NKAIN2: variants seen among roughly 807,000 people sequenced by gnomAD.
NKAIN2 encodes sodium/potassium transporting ATPase interacting 2, also known as sodium/potassium-transporting ATPase subunit beta-1-interacting protein 2.
In NKAIN2, 14 loss-of-function variants were observed where a neutral mutation model predicts 32.6. The ratio of observed to expected loss-of-function variants is 0.43; its 90% CI spans 0.28 to 0.67. The LOEUF is 0.67. NKAIN2 is among the 30% of genes least tolerant of loss of function. The probability of loss-of-function intolerance (pLI) is 0.17; values close to 1 mark genes in which losing one functional copy is unlikely to be tolerated. For synonymous variants in NKAIN2, 80 were observed against 87.2 expected (o/e 0.92, Z 0.46); for missense variants, 198 against 258.3 (o/e 0.77, Z 1.60).
At chr6:124,715,574 C>G (rs1775715236) in intron 4 of NKAIN2, among the ~76,000 whole-genome samples, 1 of 152,176 alleles carries the variant, frequency 6.6e-6, no homozygotes, top group Non-Finnish European at 1.5e-5. Context: ...CAGTCTCACC[C>G]AAAGCAGCCA....
chr6:124,336,760 G>A (rs1043828068), intron 2 of NKAIN2, among the ~76,000 whole-genome samples: 14 of 146,554 alleles, frequency 9.6e-5, no homozygotes, highest in African/African-American at 3.6e-4. Context: ...TGCAACCTCT[G>A]CCTCCTGGGT....
chr6:124,596,383 G>A (rs1201072853), intron 3 of NKAIN2, among the ~76,000 whole-genome samples: 6 of 152,166 alleles, frequency 3.9e-5, no homozygotes, highest in Admixed American at 3.3e-4. Flanking sequence ...GGAATACTGT[G>A]TGAGAGCCCC....
intron 1 of NKAIN2, among the ~76,000 whole-genome samples, chr6:123,940,793 T>A (rs1310773331): frequency 6.6e-6 from 1 of 152,038 alleles, no homozygotes; most frequent in Non-Finnish European, 1.5e-5. Flanking sequence ...GACATTACTG[T>A]ACACTAAGAT....
intron 1 of NKAIN2, among the ~76,000 whole-genome samples, chr6:123,825,375 G>A (rs991870691): frequency 6.6e-6 from 1 of 152,078 alleles, no homozygotes; most frequent in Non-Finnish European, 1.5e-5. Flanking sequence ...GGTGTTTCTA[G>A]CTTAAGTTGT....
chr6:123,904,608 T>G (rs546101705), intron 1 of NKAIN2, among the ~76,000 whole-genome samples: 1 of 152,350 alleles, frequency 6.6e-6, no homozygotes, highest in African/African-American at 2.4e-5. Context: ...AAAAGTGTTA[T>G]ACATGGAAGG....
At chr6:124,186,974 T>A (rs75635962) in intron 1 of NKAIN2, among the ~76,000 whole-genome samples, 227 of 138,902 alleles carry the variant, frequency 1.6e-3, no homozygotes, top group African/African-American at 4.3e-3. Flanking sequence ...TGATTTTTTT[T>A]AAAAATTTTT....
chr6:124,283,530 A>G (rs1204724256), intron 2 of NKAIN2, among the ~76,000 whole-genome samples: 1 of 152,202 alleles, frequency 6.6e-6, no homozygotes, highest in Non-Finnish European at 1.5e-5. Flanking sequence ...AATCAATAGG[A>G]ATGAACATAT....
At chr6:123,955,250 G>C (rs1777518954) in intron 1 of NKAIN2, among the ~76,000 whole-genome samples, 1 of 150,406 alleles carries the variant, frequency 6.6e-6, no homozygotes, top group Admixed American at 6.6e-5. Context: ...CAAAGACTTA[G>C]TTTGGCCATG....
chr6:123,830,525 T>G (rs1246559329), intron 1 of NKAIN2, among the ~76,000 whole-genome samples: 2 of 152,208 alleles, frequency 1.3e-5, no homozygotes, highest in African/African-American at 4.8e-5. Context: ...AATTATTTTC[T>G]CTTGTTCTCA....
intron 3 of NKAIN2, among the ~76,000 whole-genome samples, chr6:124,378,701 C>A (rs1161560008): frequency 6.6e-6 from 1 of 152,056 alleles, no homozygotes; most frequent in Non-Finnish European, 1.5e-5. Context: ...TCCACCAGCA[C>A]TGGCATCTTC....
chr6:124,430,432 A>G (rs1490670037), intron 3 of NKAIN2, among the ~76,000 whole-genome samples: 1 of 152,096 alleles, frequency 6.6e-6, no homozygotes, highest in Non-Finnish European at 1.5e-5. Flanking sequence ...TCAGCTTGGG[A>G]GTTCTCACTT....
At chr6:124,743,241 G>A (rs778788984) in intron 4 of NKAIN2, among the ~76,000 whole-genome samples, 2 of 151,812 alleles carry the variant, frequency 1.3e-5, no homozygotes, top group Non-Finnish European at 2.9e-5. Context: ...TAGTTCCTAT[G>A]TCAGAAGATT....
At chr6:123,841,268 C>A (rs1319289562) in intron 1 of NKAIN2, among the ~76,000 whole-genome samples, 2 of 152,152 alleles carry the variant, frequency 1.3e-5, no homozygotes, top group African/African-American at 2.4e-5. Context: ...GTATGATTAA[C>A]TGCTAACAAG....
At chr6:124,615,437 T>C (rs1412976339) in intron 3 of NKAIN2, among the ~76,000 whole-genome samples, 1 of 152,146 alleles carries the variant, frequency 6.6e-6, no homozygotes, top group East Asian at 1.9e-4. Flanking sequence ...GTCTCTACAA[T>C]ATAAAAATGA....
chr6:123,846,104 A>G (rs940711276), intron 1 of NKAIN2, among the ~76,000 whole-genome samples: 22 of 152,232 alleles, frequency 1.4e-4, no homozygotes, highest in African/African-American at 5.3e-4. Flanking sequence ...CTAACCATGC[A>G]GGAGCTATAT....
At chr6:124,615,957 A>G (rs1260894480) in intron 3 of NKAIN2, among the ~76,000 whole-genome samples, 1 of 151,766 alleles carries the variant, frequency 6.6e-6, no homozygotes, top group Non-Finnish European at 1.5e-5. Context: ...CTCTGCTAAA[A>G]TTTTCTAAAT....
intron 3 of NKAIN2, among the ~76,000 whole-genome samples, chr6:124,638,564 C>A (rs1783858689): frequency 1.3e-5 from 2 of 152,004 alleles, no homozygotes; most frequent in African/African-American, 4.8e-5. Flanking sequence ...TCAGCAACAA[C>A]AACAACAACA....
chr6:124,252,879 G>C (rs1349735312), intron 1 of NKAIN2, among the ~76,000 whole-genome samples: 1 of 152,246 alleles, frequency 6.6e-6, no homozygotes, highest in South Asian at 2.1e-4. Flanking sequence ...AGGCTTAAAT[G>C]AGTTTACATT....
intron 3 of NKAIN2, among the ~76,000 whole-genome samples, chr6:124,535,970 C>G (rs930184337): frequency 6.6e-6 from 1 of 152,106 alleles, no homozygotes; most frequent in African/African-American, 2.4e-5. Flanking sequence ...TATGGGATGC[C>G]GATGAGCAAT....
Sources: gnomAD v4.1 joint callset for allele counts (sites outside exome capture counted in the v4.1 genomes callset) on GRCh38, gnomAD v4.1.1 for gene constraint, MANE v1.5 for transcripts, NCBI Gene and HGNC (gene_info 2026-07-23, HGNC 2026-07-21) for gene names.